Variants in PPARGC1A observed in about 807,000 individuals in gnomAD.
PPARGC1A encodes peroxisome proliferator-activated receptor gamma coactivator 1-alpha.
Under a neutral mutation model 88.7 loss-of-function variants are expected in PPARGC1A, and 25 were observed. The observed-to-expected ratio is 0.28, with a 90% CI of 0.21 to 0.39. The LOEUF (loss-of-function observed/expected upper bound fraction) is 0.39. Ranked by LOEUF, PPARGC1A falls within the 10% of genes least tolerant of loss-of-function variation. The pLI is 1.00. For missense variants in PPARGC1A, 880 were observed against 968.7 expected (o/e 0.91, Z 1.22); for synonymous variants, 363 against 355.6 (o/e 1.02, Z -0.24).
chr4:24,227,679 C>T, the PPARGC1A span, among the ~76,000 whole-genome samples: 8 of 152,294 alleles, frequency 5.3e-5, 1 homozygote, highest in African/African-American at 1.9e-4. Flanking sequence ...GACAAGCACC[C>T]AGCATCCCCT....
chr4:23,901,389 AAG>A (rs1481107712), upstream of PPARGC1A, among the ~76,000 whole-genome samples: 3 of 133,172 alleles, frequency 2.3e-5, no homozygotes, highest in African/African-American at 8.1e-5. Context: ...AAAAAAAAAA[AAG>A]TAAGTAGCTG....
the PPARGC1A span, among the ~76,000 whole-genome samples, chr4:23,933,594 C>T: frequency 0.023 from 3,533 of 152,266 alleles, 135 homozygotes; most frequent in African/African-American, 0.08. Context: ...GGAAAATAGC[C>T]TACTGGCCCA....
intron 2 of PPARGC1A, among the ~76,000 whole-genome samples, chr4:23,836,501 C>T (rs1033677957): frequency 6.6e-6 from 1 of 152,196 alleles, no homozygotes; most frequent in African/African-American, 2.4e-5. Context: ...ACAGATGATA[C>T]ACATGCATTT....
the PPARGC1A span, among the ~76,000 whole-genome samples, chr4:24,110,570 G>A: frequency 2.0e-5 from 3 of 152,022 alleles, no homozygotes; most frequent in African/African-American, 7.2e-5. Flanking sequence ...AGGCATCTGG[G>A]GACACAGCAA....
chr4:24,255,418 A>G, the PPARGC1A span, among the ~76,000 whole-genome samples: 1 of 152,198 alleles, frequency 6.6e-6, no homozygotes, highest in Non-Finnish European at 1.5e-5. Flanking sequence ...GAAATAGGCT[A>G]TCACATTTTC....
chr4:24,079,382 T>C, the PPARGC1A span, among the ~76,000 whole-genome samples: 1 of 152,038 alleles, frequency 6.6e-6, no homozygotes, highest in South Asian at 2.1e-4. Flanking sequence ...GTGACTACAT[T>C]TTTTTCATAT....
At chr4:23,931,943 G>A in the PPARGC1A span, among the ~76,000 whole-genome samples, 1 of 152,146 alleles carries the variant, frequency 6.6e-6, no homozygotes, top group East Asian at 1.9e-4. Context: ...GTACAAAATG[G>A]GGATAATGAT....
the PPARGC1A span, among the ~76,000 whole-genome samples, chr4:23,970,677 G>A: frequency 1.3e-5 from 2 of 152,142 alleles, no homozygotes; most frequent in African/African-American, 4.8e-5. Context: ...ATTTATTCTG[G>A]TGAGTGTTTG....
chr4:23,950,205 T>TAG, the PPARGC1A span, among the ~76,000 whole-genome samples: 1 of 152,252 alleles, frequency 6.6e-6, no homozygotes, highest in South Asian at 2.1e-4. Flanking sequence ...ATATAAATCT[T>TAG]CCCTGAGAAT....
chr4:24,157,627 C>T, the PPARGC1A span, among the ~76,000 whole-genome samples: 1 of 152,246 alleles, frequency 6.6e-6, no homozygotes, highest in Admixed American at 6.5e-5. Context: ...ACAGCATGCC[C>T]ATCCATCCTG....
At chr4:24,165,718 G>C in the PPARGC1A span, among the ~76,000 whole-genome samples, 1 of 152,074 alleles carries the variant, frequency 6.6e-6, no homozygotes, top group East Asian at 1.9e-4. Flanking sequence ...TTTGTATTAG[G>C]GTGCCATGAT....
At chr4:24,198,827 G>A in the PPARGC1A span, among the ~76,000 whole-genome samples, 1 of 152,184 alleles carries the variant, frequency 6.6e-6, no homozygotes, top group Non-Finnish European at 1.5e-5. Flanking sequence ...CTGCGAGAAG[G>A]GCTGGGGCAC....
the PPARGC1A span, among the ~76,000 whole-genome samples, chr4:23,986,633 T>C: frequency 6.6e-6 from 1 of 152,102 alleles, no homozygotes; most frequent in Non-Finnish European, 1.5e-5. Flanking sequence ...AGTCTTACGA[T>C]AACAGTTGGT....
chr4:24,118,392 T>C, the PPARGC1A span, among the ~76,000 whole-genome samples: 1 of 152,158 alleles, frequency 6.6e-6, no homozygotes. Flanking sequence ...CTCGAACCTG[T>C]GCATCTCCTT....
chr4:23,883,885 A>G (rs1033745066), intron 2 of PPARGC1A: 3 of 152,208 alleles, frequency 2.0e-5, no homozygotes, highest in African/African-American at 7.2e-5. Context: ...ATGAATAAGA[A>G]AAGTCCAGCA....
the PPARGC1A span, among the ~76,000 whole-genome samples, chr4:24,326,221 G>A: frequency 2.6e-5 from 4 of 152,082 alleles, no homozygotes; most frequent in Non-Finnish European, 5.9e-5. Context: ...AGCATGCTTT[G>A]AAAGGATTAA....
the PPARGC1A span, among the ~76,000 whole-genome samples, chr4:24,429,196 C>T: frequency 1.3e-5 from 2 of 152,136 alleles, no homozygotes; most frequent in African/African-American, 2.4e-5. Context: ...TTTATAACGT[C>T]CAAAGAACTC....
the PPARGC1A span, among the ~76,000 whole-genome samples, chr4:24,395,749 C>T: frequency 1.3e-5 from 2 of 152,038 alleles, no homozygotes; most frequent in African/African-American, 2.4e-5. Context: ...TTCCAACTCA[C>T]GGAAGAGGAA....
At chr4:24,349,015 C>T in the PPARGC1A span, among the ~76,000 whole-genome samples, 13 of 152,318 alleles carry the variant, frequency 8.5e-5, no homozygotes, top group Admixed American at 8.5e-4. Context: ...GTACTCTCCC[C>T]CTTTTCCTAT....
Sources: gnomAD v4.1 joint callset for allele counts (sites outside exome capture counted in the v4.1 genomes callset) on GRCh38, gnomAD v4.1.1 for gene constraint, MANE v1.5 for transcripts, NCBI Gene and HGNC (gene_info 2026-07-23, HGNC 2026-07-21) for gene names.